The following DENND4B variants were observed in gnomAD, a reference collection of about 807,000 sequenced individuals.
The protein encoded by DENND4B is DENN domain-containing protein 4B.
In DENND4B, 67 loss-of-function variants were observed where a neutral mutation model predicts 161.0. That is an observed-to-expected ratio of 0.42 (90% CI 0.34 to 0.51). DENND4B has a LOEUF of 0.51. Ranked by LOEUF, DENND4B falls within the 20% of genes least tolerant of loss-of-function variation. The probability of loss-of-function intolerance (pLI) is 0.08; values close to 1 mark genes in which losing one functional copy is unlikely to be tolerated. For synonymous variants in DENND4B, 753 were observed against 813.8 expected (o/e 0.93, Z 1.27); for missense variants, 1,481 against 1,968.0 (o/e 0.75, Z 4.68).
At chr1:153,945,150 A>G (rs919738379) in intron 1 of DENND4B, 2 of 1,289,392 alleles carry the variant, frequency 1.6e-6, no homozygotes, top group African/African-American at 3.0e-5. Flanking sequence ...TCCATGGCCC[A>G]ACCCCGGGGA....
At chr1:153,945,306 G>T in intron 1 of DENND4B, 1 of 533,800 alleles carries the variant, frequency 1.9e-6, no homozygotes, top group Non-Finnish European at 3.0e-6. Flanking sequence ...AGGGGAAGCT[G>T]CAACTCAGAG....
Position 153,944,992 on chromosome 1 carries a change from A to C in DENND4B, c.-23-595T>G, listed in dbSNP as rs139091913. 4.8e-4 allele frequency: 461 copies of C among 955,608 alleles called. 3 individuals carry two copies. In the African/African-American group the frequency reaches 7.4e-3, roughly 15 times the overall value. 59.2% of individuals were successfully genotyped at this position (955,608 alleles called of 1,614,324 possible). ...TAGCTTAACTCCACCAATCTGGCCC[A>C]AAATCCAGTGTTCTCACACCTCCAG... On this transcript the variant is annotated intron_variant, in intron 1 of 27. Transcript: ENST00000361217. This position sits in a 1 kb window ranked among gnomAD's most constrained non-coding sequence, Gnocchi z 4.8.
In DENND4B at chr1:153,930,641, G is replaced by T; in HGVS notation, c.4281-38C>A. 1 of 1,613,840 alleles carries T rather than the reference G, an allele frequency of 6.2e-7. No individual in the cohort carries two copies. Among genetic ancestry groups the T allele is most frequent in the Non-Finnish European group, 8.5e-7 (1 of 1,179,822 alleles). On this transcript the variant is annotated intron_variant, in intron 26 of 27. Transcript: ENST00000361217. The surrounding 1 kb of genome is among the most constrained non-coding windows in gnomAD (Gnocchi z 4.7). ...CAGAAGTGTATGAGTGAGAGAAAAG[G>T]GGTGTGGAGCCCCGGACAGACCAGG...
rs1216774365 is a variant in DENND4B, at chr1:153,937,676, G to C, written c.2105+48C>G. On this transcript the variant is annotated intron_variant, in intron 14 of 27. Transcript: ENST00000361217. The surrounding 1 kb of genome is among the most constrained non-coding windows in gnomAD (Gnocchi z 4.7). Reference sequence around the variant, plus strand: ...GCACAGGGCGAAGCGAGTTGGACTGGACCAGTCTATGGGACCCTGGAACAT... The same window carrying C: ...GCACAGGGCGAAGCGAGTTGGACTGCACCAGTCTATGGGACCCTGGAACAT... 1 of 1,613,484 alleles carries C rather than the reference G, an allele frequency of 6.2e-7. No homozygotes were observed. Among genetic ancestry groups the C allele is most frequent in the East Asian group, 2.2e-5 (1 of 44,890 alleles).
Position 153,940,736 on chromosome 1 carries a change from T to C in DENND4B, c.1327-130A>G. 6.9e-7 allele frequency: 1 copy of C among 1,445,784 alleles called. No homozygotes were observed. The highest frequency in any genetic ancestry group is 2.2e-5 in the Admixed American group (1 of 45,352). 89.6% of individuals were successfully genotyped at this position (1,445,784 alleles called of 1,614,324 possible). On this transcript the variant is annotated intron_variant, in intron 9 of 27. Transcript: ENST00000361217. This position sits in a 1 kb window ranked among gnomAD's most constrained non-coding sequence, Gnocchi z 5.6. ...TTGAGAGAGGCTGTTGGAAGTAGGC[T>C]CTAGAGAAGAGCTCCTGATGGAAGC...
Position 153,942,897 on chromosome 1 carries a change from C to CTCAACA in DENND4B, c.550_551insTGTTGA (p.Arg184delinsLeuLeuSer). ...ACTCACCATGCCAGGGTTGAGGTTG[C>CTCAACA]GGGGCAGCCGGCAGTAAGTATGAGG... On this transcript the variant is annotated protein_altering_variant, in exon 3 of 28. Coordinates refer to ENST00000361217, the MANE Select transcript of DENND4B (RefSeq NM_014856.3). The surrounding 1 kb of genome is among the most constrained non-coding windows in gnomAD (Gnocchi z 6.9). The CTCAACA allele has an allele frequency of 1.2e-6, 2 of 1,600,280 alleles. No homozygotes were observed. The highest frequency in any genetic ancestry group is 1.7e-6 in the Non-Finnish European group (2 of 1,169,646).
chr1:153,937,438 C>A lies in DENND4B; in HGVS notation c.2232+50G>T. Reference sequence around the variant, plus strand: ...GTAGATGAGGAAACTGAAGCAGCAGCAGCCTTCAGCCTGATCCGGGTCCCT... The same window carrying A: ...GTAGATGAGGAAACTGAAGCAGCAGAAGCCTTCAGCCTGATCCGGGTCCCT... On this transcript the variant is annotated intron_variant, in intron 15 of 27. Coordinates refer to ENST00000361217, the MANE Select transcript of DENND4B (RefSeq NM_014856.3). The surrounding 1 kb of genome is among the most constrained non-coding windows in gnomAD (Gnocchi z 4.7). 1 of 1,467,606 alleles carries A rather than the reference C, an allele frequency of 6.8e-7. No homozygotes were observed. The allele number at this position is 1,467,606 out of a possible 1,614,324, so 90.9% of individuals were successfully genotyped here.
chr1:153,943,903 C>T (rs552777549), intron 2 of DENND4B, among the ~76,000 whole-genome samples, 155 bp downstream of exon 2: 44 of 152,274 alleles, frequency 2.9e-4, no homozygotes, highest in African/African-American at 8.7e-4. Flanking sequence ...TCTGTAAGGA[C>T]TAAGTACATA....
At chr1:153,938,663 C>G (rs1395147450) in intron 13 of DENND4B, among the ~76,000 whole-genome samples, 2 of 150,526 alleles carry the variant, frequency 1.3e-5, no homozygotes, top group Non-Finnish European at 3.0e-5. Context: ...GATCACGCCC[C>G]TGCACTCCAG....
In DENND4B at chr1:153,939,175, G is replaced by A. The variant is rs947641470; in HGVS notation, c.1820-130C>T. ...AAGCCATAATCTCTTGGACCCTCTGGCACAACTACCCTAATACCAGGCTGA... is the reference window on the plus strand; with the variant it reads ...AAGCCATAATCTCTTGGACCCTCTGACACAACTACCCTAATACCAGGCTGA... On this transcript the variant is annotated intron_variant, in intron 12 of 27. Transcript: ENST00000361217. 7.8e-6 allele frequency: 9 copies of A among 1,149,998 alleles called. No individual in the cohort carries two copies. In the Admixed American group the frequency reaches 1.9e-4, roughly 25 times the overall value. The allele number at this position is 1,149,998 out of a possible 1,614,324, so 71.2% of individuals were successfully genotyped here.
In DENND4B at chr1:153,934,126, G is replaced by A. The variant is rs753819448; in HGVS notation, c.2941+9C>T. The A allele has an allele frequency of 2.3e-5, 36 of 1,550,464 alleles. 1 individual carries two copies. The South Asian group carries it at 4.3e-4, about 18-fold the overall frequency. On this transcript the variant is annotated intron_variant, in intron 19 of 27. Transcript: ENST00000361217. The surrounding 1 kb of genome is among the most constrained non-coding windows in gnomAD (Gnocchi z 5.3). ...TGGGGGAGTGAGGGAGCCAGACAAG[G>A]GCACTCACTGTGGGCCACACCGGCC...
At position 153,933,893 on chromosome 1, in the gene DENND4B, G is replaced by A. The variant is rs777208558; in HGVS notation, c.2942-22C>T. 4.9e-5 allele frequency: 78 copies of A among 1,597,366 alleles called. No individual in the cohort carries two copies. Among genetic ancestry groups the A allele is most frequent in the Non-Finnish European group, 6.3e-5 (74 of 1,175,712 alleles). ...ATCACTGCAGCACAGAAAAGAATGA[G>A]GGAAGATGGACCCCAGCCTCTGCAC... On this transcript the variant is annotated intron_variant, in intron 19 of 27. Coordinates refer to ENST00000361217, the MANE Select transcript of DENND4B (RefSeq NM_014856.3). This position sits in a 1 kb window ranked among gnomAD's most constrained non-coding sequence, Gnocchi z 5.7.
chr1:153,946,382 C>T lies in DENND4B; in HGVS notation c.-105G>A. Reference sequence around the variant, plus strand: ...GGCGGGCCGGCGGGCGGCGGGGCTACCCGGCCCCAGACATGGCGCACCCGA... The same window carrying T: ...GGCGGGCCGGCGGGCGGCGGGGCTATCCGGCCCCAGACATGGCGCACCCGA... On this transcript the variant is annotated 5_prime_UTR_variant, in exon 1 of 28. Transcript: ENST00000361217. The surrounding 1 kb of genome is among the most constrained non-coding windows in gnomAD (Gnocchi z 6.3). 2.6e-6 allele frequency: 1 copy of T among 381,940 alleles called. No homozygotes were observed. The highest frequency in any genetic ancestry group is 4.6e-6 in the Non-Finnish European group (1 of 215,202). 23.7% of individuals were successfully genotyped at this position (381,940 alleles called of 1,614,324 possible).
Position 153,932,529 on chromosome 1 carries a change from G to T in DENND4B, c.3760-89C>A. 6.4e-7 allele frequency: 1 copy of T among 1,558,672 alleles called. No individual in the cohort carries two copies. Among genetic ancestry groups the T allele is most frequent in the South Asian group, 1.2e-5 (1 of 83,334 alleles). On this transcript the variant is annotated intron_variant, in intron 23 of 27. Transcript: ENST00000361217. This position sits in a 1 kb window ranked among gnomAD's most constrained non-coding sequence, Gnocchi z 5.8. ...TGAGCCACCACATCCAACAGCTTTTGGGATGCCCCTTGCCCTCAAGGGCAA... is the reference window on the plus strand; with the variant it reads ...TGAGCCACCACATCCAACAGCTTTTTGGATGCCCCTTGCCCTCAAGGGCAA...
At position 153,934,906 on chromosome 1, in the gene DENND4B, T is replaced by C. The variant is rs536578916; in HGVS notation, c.2627A>G (p.Lys876Arg). 4.3e-6 allele frequency: 7 copies of C among 1,613,452 alleles called. No homozygotes were observed. Among genetic ancestry groups the C allele is most frequent in the Non-Finnish European group, 4.2e-6 (5 of 1,179,894 alleles). ...AGCCCCCAGGACAACATTCCGGAGC[T>C]TGGCCCAGCGCAGACGCCCACCTGG... ...GTPGGRLRWA[K>R]LRNVVLGAAQ... The change falls in exon 18 of 28, where the codon AAG becomes AGG. Residue 876 changes from lysine to arginine, a missense_variant. Transcript: ENST00000361217. This position sits in a 1 kb window ranked among gnomAD's most constrained non-coding sequence, Gnocchi z 5.3.
At position 153,933,994 on chromosome 1, in the gene DENND4B, T is replaced by C; in HGVS notation, c.2942-123A>G. 6.7e-7 allele frequency: 1 copy of C among 1,495,680 alleles called. No homozygotes were observed. 92.7% of individuals were successfully genotyped at this position (1,495,680 alleles called of 1,614,324 possible). A position where few individuals can be genotyped will look rare whatever the true frequency, so the allele number is the denominator to read the frequency against. On this transcript the variant is annotated intron_variant, in intron 19 of 27. Transcript: ENST00000361217. This position sits in a 1 kb window ranked among gnomAD's most constrained non-coding sequence, Gnocchi z 5.7. ...TGCCACCACCCCCACCATGATGATA[T>C]TCTGGGCGAGATTCCCTCAGAATCT...
rs773256753 is a variant in DENND4B, at chr1:153,933,901, G to A, written c.2942-30C>T. Reference sequence around the variant, plus strand: ...AGCACAGAAAAGAATGAGGGAAGATGGACCCCAGCCTCTGCACCAACTTCC... The same window carrying A: ...AGCACAGAAAAGAATGAGGGAAGATAGACCCCAGCCTCTGCACCAACTTCC... On this transcript the variant is annotated intron_variant, in intron 19 of 27. Coordinates refer to ENST00000361217, the MANE Select transcript of DENND4B (RefSeq NM_014856.3). The surrounding 1 kb of genome is among the most constrained non-coding windows in gnomAD (Gnocchi z 5.7). The A allele has an allele frequency of 1.9e-6, 3 of 1,595,768 alleles. No individual in the cohort carries two copies. Among genetic ancestry groups the A allele is most frequent in the Non-Finnish European group, 2.6e-6 (3 of 1,175,220 alleles).
chr1:153,937,874 A>G lies in DENND4B; in HGVS notation c.1966-11T>C. ...CTGCTCTGGGTGGACCTGGAGAAGG[A>G]TTTTAAGAGAGCAAGTGTTGAGATG... On this transcript the variant is annotated splice_polypyrimidine_tract_variant and intron_variant, in intron 13 of 27. Transcript: ENST00000361217. The surrounding 1 kb of genome is among the most constrained non-coding windows in gnomAD (Gnocchi z 4.7). 1 of 1,613,924 alleles carries G rather than the reference A, an allele frequency of 6.2e-7. No homozygotes were observed. The highest frequency in any genetic ancestry group is 1.1e-5 in the South Asian group (1 of 91,088).
At chr1:153,941,775 GCCCTCCCCC>G in intron 6 of DENND4B, 85 bp downstream of exon 6, 1 of 1,338,174 alleles carries the variant, frequency 7.5e-7, no homozygotes, top group Non-Finnish European at 1.0e-6. Context: ...CCTGTGCCCA[GCCCTCCCCC>G]CACCCACATC....
Sources: allele counts gnomAD v4.1 joint callset (sites outside exome capture counted in the v4.1 genomes callset), GRCh38; gene constraint gnomAD v4.1.1; non-coding constraint Gnocchi (gnomAD v3.1); transcripts MANE v1.5; gene names NCBI Gene and HGNC (gene_info 2026-07-23, HGNC 2026-07-21).